ST3GAL1: variants seen among roughly 807,000 people sequenced by gnomAD.
ST3GAL1 encodes ST3 beta-galactoside alpha-2,3-sialyltransferase 1, also known as CMP-N-acetylneuraminate-beta-galactosamide-alpha-2,3-sialyltransferase 1.
Under a neutral mutation model 34.1 loss-of-function variants are expected in ST3GAL1, and 16 were observed. The ratio of observed to expected loss-of-function variants is 0.47; its 90% confidence interval spans 0.32 to 0.71. The LOEUF (loss-of-function observed/expected upper bound fraction) is 0.71. ST3GAL1 is among the 30% of genes least tolerant of loss of function. The pLI, the probability that ST3GAL1 is intolerant of heterozygous loss-of-function variation, is 0.04. For missense variants in ST3GAL1, 353 were observed against 447.4 expected, an observed-to-expected ratio of 0.79 and a Z score of 1.90; for synonymous variants, 191 against 184.7, an observed-to-expected ratio of 1.03 and a Z score of -0.28.
intron 3 of ST3GAL1, among the ~76,000 whole-genome samples, chr8:133,480,823 G>C (rs975539868): frequency 6.6e-6 from 1 of 152,004 alleles, no homozygotes; most frequent in African/African-American, 2.4e-5. Context: ...AACTTCTTTG[G>C]ACTTGGTTTA....
At chr8:133,527,839 C>T (rs1264646924) in intron 2 of ST3GAL1, among the ~76,000 whole-genome samples, 1 of 152,124 alleles carries the variant, frequency 6.6e-6, no homozygotes, top group East Asian at 1.9e-4. Flanking sequence ...CTCTGGCCAC[C>T]CCAGGGGACT....
Position 133,467,212 on chromosome 8 carries a change from G to T in ST3GAL1, c.307-1122C>A, listed in dbSNP as rs930619840. 6.6e-6 allele frequency among the ~76,000 whole-genome samples: 1 copy of T among 152,172 alleles called. No homozygotes were observed. Among genetic ancestry groups the T allele is most frequent in the African/African-American group, 2.4e-5 (1 of 41,442 alleles). On this transcript the variant is annotated intron_variant, in intron 5 of 9. Coordinates refer to ENST00000522652, the MANE Select transcript of ST3GAL1 (RefSeq NM_173344.3). The surrounding 1 kb of genome is among the most constrained non-coding windows in gnomAD (Gnocchi z 4.2). Reference sequence around the variant, plus strand: ...CCCAGGTTAAGGGGTTTCCCTAGATGCAGGACTCTCAGTGCTAAAACCAGG... The same window carrying T: ...CCCAGGTTAAGGGGTTTCCCTAGATTCAGGACTCTCAGTGCTAAAACCAGG...
At chr8:133,528,742 C>T (rs973909650) in intron 2 of ST3GAL1, among the ~76,000 whole-genome samples, 1 of 152,220 alleles carries the variant, frequency 6.6e-6, no homozygotes, top group Non-Finnish European at 1.5e-5. Flanking sequence ...ATAGTTACTG[C>T]CTGGCCCTTT....
At chr8:133,524,912 C>A (rs1055661453) in intron 2 of ST3GAL1, among the ~76,000 whole-genome samples, 1 of 152,282 alleles carries the variant, frequency 6.6e-6, no homozygotes, top group Non-Finnish European at 1.5e-5. Flanking sequence ...GAAGGTGTCA[C>A]AGCCCTGGCT....
chr8:133,474,018 G>A (rs1414066730), intron 5 of ST3GAL1, among the ~76,000 whole-genome samples: 1 of 152,194 alleles, frequency 6.6e-6, no homozygotes, highest in African/African-American at 2.4e-5. Context: ...GCACACAGTG[G>A]TGCTCAACAC....
chr8:133,546,895 A>T (rs1240454049), intron 1 of ST3GAL1, among the ~76,000 whole-genome samples: 2 of 151,900 alleles, frequency 1.3e-5, no homozygotes, highest in Non-Finnish European at 1.5e-5. Context: ...AGTCCCAGAG[A>T]CTCAGGAGTC....
intron 3 of ST3GAL1, among the ~76,000 whole-genome samples, chr8:133,483,747 G>C (rs1436653989): frequency 6.6e-6 from 1 of 151,606 alleles, no homozygotes; most frequent in Non-Finnish European, 1.5e-5. Flanking sequence ...GAAATGTCAG[G>C]GTTCCCAGGG....
At chr8:133,496,140 C>G (rs1457493145) in intron 3 of ST3GAL1, among the ~76,000 whole-genome samples, 1 of 152,142 alleles carries the variant, frequency 6.6e-6, no homozygotes, top group African/African-American at 2.4e-5. Flanking sequence ...GTTTTTTGAG[C>G]CTTTCTTAAG....
intron 2 of ST3GAL1, among the ~76,000 whole-genome samples, chr8:133,520,585 C>T (rs58270214): frequency 2.0e-5 from 3 of 152,076 alleles, no homozygotes; most frequent in Non-Finnish European, 2.9e-5. Context: ...GAAGCAGGGT[C>T]TCTGGCAGCC....
intron 5 of ST3GAL1, among the ~76,000 whole-genome samples, chr8:133,468,841 G>T (rs1055263832): frequency 1.3e-5 from 2 of 152,116 alleles, no homozygotes; most frequent in African/African-American, 4.8e-5. Flanking sequence ...CAGGGCTGGT[G>T]GGGGGACTAC....
At chr8:133,517,066 T>C (rs1284871872) in intron 2 of ST3GAL1, among the ~76,000 whole-genome samples, 1 of 152,272 alleles carries the variant, frequency 6.6e-6, no homozygotes, top group African/African-American at 2.4e-5. Flanking sequence ...TTCCTGCTGA[T>C]TGGCAGCAGG....
rs1815409079 is a variant in ST3GAL1 at position 133,459,314 on chromosome 8, A to G, written c.*450T>C. ...CAGGCTTCGTGCAAAGAAGGGCAGCATCTCGCCCCGAGCGCCAACACCGCC... is the reference window on the plus strand; with the variant it reads ...CAGGCTTCGTGCAAAGAAGGGCAGCGTCTCGCCCCGAGCGCCAACACCGCC... On this transcript the variant is annotated 3_prime_UTR_variant, in exon 10 of 10. Coordinates refer to ENST00000522652, the MANE Select transcript of ST3GAL1 (RefSeq NM_173344.3). The surrounding 1 kb of genome is among the most constrained non-coding windows in gnomAD (Gnocchi z 4.7). 6.5e-6 allele frequency: 1 copy of G among 154,108 alleles called. No individual in the cohort carries two copies. 9.5% of individuals were successfully genotyped at this position (154,108 alleles called of 1,614,324 possible).
intron 1 of ST3GAL1, among the ~76,000 whole-genome samples, chr8:133,547,326 C>T (rs536047108): frequency 3.3e-5 from 5 of 152,126 alleles, no homozygotes; most frequent in East Asian, 1.9e-4. Flanking sequence ...CTGGAGGGGC[C>T]GTGGCATGAC....
At chr8:133,518,859 T>G (rs1305806466) in intron 2 of ST3GAL1, among the ~76,000 whole-genome samples, 1 of 152,142 alleles carries the variant, frequency 6.6e-6, no homozygotes, top group Non-Finnish European at 1.5e-5. Flanking sequence ...TTAAGGCCCT[T>G]GGTTAAGGCC....
chr8:133,524,953 G>A (rs572256381), intron 2 of ST3GAL1, among the ~76,000 whole-genome samples: 111 of 152,382 alleles, frequency 7.3e-4, no homozygotes, highest in Non-Finnish European at 1.3e-3. Context: ...GCTTCCCAAC[G>A]GGCCACAGCT....
intron 2 of ST3GAL1, among the ~76,000 whole-genome samples, chr8:133,515,317 A>G (rs1477597016): frequency 6.6e-6 from 1 of 152,184 alleles, no homozygotes; most frequent in Non-Finnish European, 1.5e-5. Context: ...AGCTCCTGAT[A>G]TAGTCTGGAT....
At chr8:133,501,650 G>A (rs113978450) in intron 2 of ST3GAL1, among the ~76,000 whole-genome samples, 11,449 of 152,144 alleles carry the variant, frequency 0.075, 585 homozygotes, top group East Asian at 0.17. Flanking sequence ...TCAGGAGGCT[G>A]AGGCAGCAGA....
At chr8:133,479,641 C>G (rs1816310828) in intron 3 of ST3GAL1, among the ~76,000 whole-genome samples, 1 of 152,116 alleles carries the variant, frequency 6.6e-6, no homozygotes, top group African/African-American at 2.4e-5. Context: ...TGTCCTGCCT[C>G]TGCGTGAGAG....
intron 5 of ST3GAL1, among the ~76,000 whole-genome samples, chr8:133,474,425 T>C (rs763097990): frequency 2.6e-5 from 4 of 152,240 alleles, no homozygotes; most frequent in Non-Finnish European, 4.4e-5. Flanking sequence ...TGAACACATA[T>C]ATCTTGCTCT....
Sources: allele counts gnomAD v4.1 joint callset (sites outside exome capture counted in the v4.1 genomes callset), GRCh38; gene constraint gnomAD v4.1.1; non-coding constraint Gnocchi (gnomAD v3.1); transcripts MANE v1.5; gene names NCBI Gene and HGNC (gene_info 2026-07-23, HGNC 2026-07-21).